The following UTRN variants were observed in gnomAD, a reference collection of about 807,000 sequenced individuals.
The protein encoded by UTRN is dystrophin-related protein 1.
In UTRN, 283 loss-of-function variants were observed where a neutral mutation model predicts 463.9. That is an observed-to-expected ratio of 0.61 (90% CI 0.55 to 0.67). The LOEUF is 0.67. UTRN is among the 30% of genes least tolerant of loss of function. The pLI is 0.00. For synonymous variants in UTRN, 1,442 were observed against 1,431.5 expected (o/e 1.01, Z -0.17); for missense variants, 3,922 against 4,084.3 (o/e 0.96, Z 1.08).
chr6:144,569,762 A>ATT (rs1800766410), intron 50 of UTRN, among the ~76,000 whole-genome samples: 2 of 152,132 alleles, frequency 1.3e-5, no homozygotes, highest in Admixed American at 1.3e-4. Context: ...ATTATTCTGG[A>ATT]TTTTCTGGGT....
At chr6:144,793,649 A>G (rs1776955931) in intron 62 of UTRN, among the ~76,000 whole-genome samples, 185 bp from the exon 63 acceptor site, 2 of 152,230 alleles carry the variant, frequency 1.3e-5, no homozygotes, top group African/African-American at 2.4e-5. Context: ...ATCTAATATC[A>G]TATGTAATGC....
At chr6:144,545,769 C>A (rs1423468778) in intron 46 of UTRN, among the ~76,000 whole-genome samples, 1 of 152,180 alleles carries the variant, frequency 6.6e-6, no homozygotes, top group Non-Finnish European at 1.5e-5. Flanking sequence ...CCTGTAATCC[C>A]AGTGCTTTGG....
chr6:144,385,278 C>T (rs1455364158), intron 2 of UTRN, among the ~76,000 whole-genome samples: 3 of 152,084 alleles, frequency 2.0e-5, no homozygotes, highest in Non-Finnish European at 4.4e-5. Context: ...ACATGGATTA[C>T]GATCTGAGAT....
At chr6:144,303,968 A>G (rs891453478) in intron 2 of UTRN, among the ~76,000 whole-genome samples, 1 of 152,236 alleles carries the variant, frequency 6.6e-6, no homozygotes, top group African/African-American at 2.4e-5. Context: ...GCAGATGTTG[A>G]GAAATATCTT....
chr6:144,709,851 A>G (rs1276451130), intron 53 of UTRN, among the ~76,000 whole-genome samples: 3 of 152,134 alleles, frequency 2.0e-5, no homozygotes, highest in Admixed American at 1.3e-4. Context: ...CTGATTCCGA[A>G]CTATCTTTAT....
chr6:144,556,939 C>A (rs1347723067), intron 49 of UTRN, among the ~76,000 whole-genome samples: 1 of 152,166 alleles, frequency 6.6e-6, no homozygotes, highest in Non-Finnish European at 1.5e-5. Flanking sequence ...GTAATATTGT[C>A]ATCTATGTAC....
chr6:144,390,722 A>G (rs984165475), intron 2 of UTRN, among the ~76,000 whole-genome samples: 2 of 152,204 alleles, frequency 1.3e-5, no homozygotes, highest in Non-Finnish European at 2.9e-5. Flanking sequence ...CTCAAATGCA[A>G]CCTGTTCCTC....
Position 144,388,642 on chromosome 6 carries a change from C to T in UTRN, c.80-14481C>T, listed in dbSNP as rs115182169. ...GCCACCTGAGTAGCTGGGACCATGG[C>T]GTGTGCTACCATGCCATGTGCTACC... is the stretch of plus-strand genomic sequence containing the variant. On this transcript the variant is annotated intron_variant, in intron 2 of 74. Coordinates refer to ENST00000367545, the MANE Select transcript of UTRN (RefSeq NM_007124.3). 6.0e-3 allele frequency among the ~76,000 whole-genome samples: 908 copies of T among 152,044 alleles called. 9 individuals are homozygous for T. The highest frequency in any genetic ancestry group is 0.021 in the African/African-American group (863 of 41,448).
chr6:144,403,003 A>ACTAAT, intron 2 of UTRN, 120 bp from the exon 3 acceptor site: 1 of 850,042 alleles, frequency 1.2e-6, no homozygotes, highest in Non-Finnish European at 1.9e-6. Flanking sequence ...CATTGTGCTC[A>ACTAAT]AGGAGCTCGA....
At chr6:144,684,905 T>C (rs1782594105) in intron 52 of UTRN, among the ~76,000 whole-genome samples, 1 of 152,194 alleles carries the variant, frequency 6.6e-6, no homozygotes, top group Non-Finnish European at 1.5e-5. Flanking sequence ...AGGGTACAGG[T>C]GATTTTAGTT....
At chr6:144,346,810 G>A (rs2328570) in intron 2 of UTRN, among the ~76,000 whole-genome samples, 9,890 of 151,916 alleles carry the variant, frequency 0.065, 1,082 homozygotes, top group African/African-American at 0.22. Context: ...GCATCAGGGC[G>A]AGACTCTGTT....
chr6:144,540,215 C>G (rs1302553403), intron 45 of UTRN, among the ~76,000 whole-genome samples: 1 of 146,886 alleles, frequency 6.8e-6, no homozygotes, highest in Non-Finnish European at 1.5e-5. Context: ...TCCCTCCTAC[C>G]ATTATTTTTT....
chr6:144,588,354 A>T (rs1032951907), intron 51 of UTRN, among the ~76,000 whole-genome samples: 14 of 152,222 alleles, frequency 9.2e-5, no homozygotes, highest in Non-Finnish European at 2.1e-4. Context: ...GCTATCAATG[A>T]CTTGGATAAA....
At chr6:144,531,552 A>G (rs1342858391) in intron 42 of UTRN, among the ~76,000 whole-genome samples, 3 of 152,188 alleles carry the variant, frequency 2.0e-5, no homozygotes, top group Non-Finnish European at 4.4e-5. Flanking sequence ...TGTTTTTTGT[A>G]CTTAAACACT....
intron 65 of UTRN, among the ~76,000 whole-genome samples, chr6:144,808,525 G>A (rs1273538087): frequency 6.6e-6 from 1 of 152,008 alleles, no homozygotes; most frequent in Non-Finnish European, 1.5e-5. Flanking sequence ...AAAAGATAGT[G>A]TGTGGTTTTG....
At chr6:144,612,620 C>T (rs1805641052) in intron 51 of UTRN, among the ~76,000 whole-genome samples, 1 of 152,012 alleles carries the variant, frequency 6.6e-6, no homozygotes, top group Non-Finnish European at 1.5e-5. Flanking sequence ...TCACTAATTA[C>T]TTGGGAAATG....
At chr6:144,720,044 T>A (rs1055538674) in intron 53 of UTRN, among the ~76,000 whole-genome samples, 2 of 152,212 alleles carry the variant, frequency 1.3e-5, no homozygotes, top group Non-Finnish European at 2.9e-5. Context: ...CAACTGCTAG[T>A]TTAGGAGAGA....
In UTRN at chr6:144,839,279, A is replaced by G. The variant is rs756741420; in HGVS notation, c.10172A>G (p.Gln3391Arg). ...DPDASGPQFH[Q>R]AAGEDLLAPP... is the part of the protein sequence containing the mutation. ...GATGCCTCCGGCCCACAGTTCCACC[A>G]GGCAGGTCGGTGTCCCCAGCACACA... The change falls in exon 72 of 75, where the codon CAG becomes CGG. Residue 3391 changes from glutamine (Q) to arginine (R), a missense_variant. By Grantham distance (43) the Gln-to-Arg change is conservative. Around this residue, in one of 3 missense-constraint regions of UTRN, gnomAD observed 1,309 missense variants for 1,452.6 expected, o/e 0.90. Transcript: ENST00000367545. 6.2e-7 allele frequency: 1 copy of G among 1,613,376 alleles called. No individual in the cohort carries two copies. Among genetic ancestry groups the G allele is most frequent in the Non-Finnish European group, 8.5e-7 (1 of 1,179,796 alleles).
At chr6:144,531,794 A>G (rs910488710) in intron 42 of UTRN, among the ~76,000 whole-genome samples, 4 of 152,132 alleles carry the variant, frequency 2.6e-5, no homozygotes, top group African/African-American at 4.8e-5. Context: ...AATGTATTTT[A>G]TTTAGAAGGA....
Sources: allele counts gnomAD v4.1 joint callset (sites outside exome capture counted in the v4.1 genomes callset), GRCh38; gene constraint gnomAD v4.1.1; regional missense constraint gnomAD v4.1.1; transcripts MANE v1.5; gene names NCBI Gene and HGNC (gene_info 2026-07-23, HGNC 2026-07-21).